ARFGEF1: variants seen among roughly 807,000 people sequenced by gnomAD.
ARFGEF1 encodes ARF guanine nucleotide exchange factor 1.
ARFGEF1 carries 42 observed loss-of-function variants against 231.0 expected under a neutral mutation model. The ratio of observed to expected loss-of-function variants is 0.18; its 90% CI spans 0.14 to 0.24. ARFGEF1 has a LOEUF of 0.24. Ranked by LOEUF, ARFGEF1 falls within the 10% of genes least tolerant of loss-of-function variation. The pLI is 1.00. For synonymous variants in ARFGEF1, 710 were observed against 732.3 expected, an observed-to-expected ratio of 0.97 and a Z score of 0.49; for missense variants, 1,345 against 2,192.0, an observed-to-expected ratio of 0.61 and a Z score of 7.72.
At chr8:67,305,886 T>C (rs1806720116) in intron 1 of ARFGEF1, among the ~76,000 whole-genome samples, 1 of 152,244 alleles carries the variant, frequency 6.6e-6, no homozygotes, top group Non-Finnish European at 1.5e-5. Flanking sequence ...TCATGACAAA[T>C]TTAATGCCTT....
intron 1 of ARFGEF1, among the ~76,000 whole-genome samples, chr8:67,321,740 A>G (rs564164752): frequency 5.3e-5 from 8 of 152,130 alleles, no homozygotes; most frequent in Non-Finnish European, 8.8e-5. Context: ...GATTACAGGC[A>G]TGAGCCACCA....
chr8:67,274,608 T>C (rs1184759037), intron 9 of ARFGEF1, among the ~76,000 whole-genome samples: 1 of 152,108 alleles, frequency 6.6e-6, no homozygotes, highest in East Asian at 1.9e-4. Flanking sequence ...CTCCTCAAAA[T>C]TCATATTATT....
intron 33 of ARFGEF1, among the ~76,000 whole-genome samples, chr8:67,216,188 T>G (rs557934132): frequency 3.2e-4 from 48 of 152,326 alleles, no homozygotes; most frequent in Non-Finnish European, 5.7e-4. Context: ...ATATGAATGT[T>G]TGCATTCCCT....
At chr8:67,241,037 T>C (rs1018084475) in intron 19 of ARFGEF1, among the ~76,000 whole-genome samples, 1 of 152,146 alleles carries the variant, frequency 6.6e-6, no homozygotes, top group Non-Finnish European at 1.5e-5. Flanking sequence ...AGAAAAACTA[T>C]ATAGCCATAT....
intron 5 of ARFGEF1, among the ~76,000 whole-genome samples, chr8:67,186,590 A>G (rs1834675599): frequency 6.6e-6 from 1 of 152,212 alleles, no homozygotes; most frequent in Admixed American, 6.5e-5. Flanking sequence ...CATCATAATG[A>G]TGAGAAACTA....
intron 13 of ARFGEF1, 44 bp from the exon 14 acceptor site, chr8:67,266,251 A>G: frequency 6.6e-7 from 1 of 1,513,878 alleles, no homozygotes; most frequent in Non-Finnish European, 9.0e-7. Flanking sequence ...CTATCAAAGA[A>G]AAAAAAAAGT....
chr8:67,332,460 A>C (rs1808142676), intron 1 of ARFGEF1, among the ~76,000 whole-genome samples: 1 of 152,230 alleles, frequency 6.6e-6, no homozygotes, highest in South Asian at 2.1e-4. Context: ...ACTTTACTTT[A>C]AAATTAAATC....
intron 1 of ARFGEF1, among the ~76,000 whole-genome samples, chr8:67,324,475 A>C (rs775810662): frequency 3.9e-5 from 6 of 152,184 alleles, no homozygotes; most frequent in Non-Finnish European, 8.8e-5. Flanking sequence ...ATTCTATGGC[A>C]AACTCATCTA....
chr8:67,222,192 T>TATATATACACAC (rs1554636820), intron 29 of ARFGEF1, among the ~76,000 whole-genome samples: 139 of 139,210 alleles, frequency 1.0e-3, no homozygotes, highest in African/African-American at 2.7e-3. Context: ...CATATATATA[T>TATATATACACAC]ATATATATAT....
intron 1 of ARFGEF1, among the ~76,000 whole-genome samples, chr8:67,334,153 AAAAAG>A (rs1808233937): frequency 6.6e-6 from 1 of 151,204 alleles, no homozygotes; most frequent in Admixed American, 6.6e-5. Flanking sequence ...AAAAAAAAAA[AAAAAG>A]AATAGTGCAT....
chr8:67,222,220 T>TATATATATACACAC (rs1554636849), intron 29 of ARFGEF1, among the ~76,000 whole-genome samples: 2 of 120,816 alleles, frequency 1.7e-5, no homozygotes, highest in African/African-American at 3.3e-5. Context: ...CACATATATA[T>TATATATATACACAC]ATATGTATAT....
At chr8:67,288,970 CA>C (rs1805880798) in intron 6 of ARFGEF1, among the ~76,000 whole-genome samples, 1 of 149,762 alleles carries the variant, frequency 6.7e-6, no homozygotes, top group Non-Finnish European at 1.5e-5. Flanking sequence ...AAAAAAAAAA[CA>C]AAATCACCAA....
Position 67,209,996 on chromosome 8 carries a change from A to G in ARFGEF1, c.4819+1487T>C, listed in dbSNP as rs551679186. Among the ~76,000 whole-genome samples the G allele has an allele frequency of 2.0e-5, 3 of 149,418 alleles. No homozygotes were observed. In the South Asian group the frequency reaches 6.4e-4, roughly 32 times the overall value. ...TGAAACCCGGTCTCTACTAAAGAAT[A>G]AAAAAAAAATTAATTGGGTATGGTG... On this transcript the variant is annotated intron_variant, in intron 34 of 38. Transcript: ENST00000262215.
chr8:67,326,321 T>C (rs1807830383), intron 1 of ARFGEF1, among the ~76,000 whole-genome samples: 1 of 152,220 alleles, frequency 6.6e-6, no homozygotes, highest in Non-Finnish European at 1.5e-5. Flanking sequence ...TGAAAAGAAC[T>C]TGGTATCCAT....
At chr8:67,311,751 T>C (rs1273261482) in intron 1 of ARFGEF1, among the ~76,000 whole-genome samples, 3 of 152,102 alleles carry the variant, frequency 2.0e-5, no homozygotes, top group East Asian at 1.9e-4. Context: ...CAACAGCTCA[T>C]TGAGAACGGG....
intron 3 of ARFGEF1, 53 bp from the exon 4 acceptor site, chr8:67,299,408 A>C: frequency 6.8e-7 from 1 of 1,463,762 alleles, no homozygotes; most frequent in Non-Finnish European, 9.3e-7. Context: ...AATATTATAC[A>C]TACTAATGCA....
downstream of ARFGEF1, chr8:67,195,405 C>T (rs200161440): frequency 9.0e-4 from 1,458 of 1,613,936 alleles, 8 homozygotes; most frequent in Middle Eastern, 0.016. Flanking sequence ...ACTGGTTGAC[C>T]CTGATGACAT....
chr8:67,208,343 T>G (rs1587040155), intron 34 of ARFGEF1, among the ~76,000 whole-genome samples: 1 of 151,832 alleles, frequency 6.6e-6, no homozygotes, highest in East Asian at 1.9e-4. Context: ...AGAATAAAAC[T>G]TCATAGGCCA....
At chr8:67,276,932 T>C (rs1341516735) in intron 8 of ARFGEF1, among the ~76,000 whole-genome samples, 1 of 152,174 alleles carries the variant, frequency 6.6e-6, no homozygotes, top group East Asian at 1.9e-4. Flanking sequence ...ATTTGGAGCA[T>C]TTTGAATTTC....
Sources: gnomAD v4.1 joint callset for allele counts (sites outside exome capture counted in the v4.1 genomes callset) on GRCh38, gnomAD v4.1.1 for gene constraint, MANE v1.5 for transcripts, NCBI Gene and HGNC (gene_info 2026-07-23, HGNC 2026-07-21) for gene names.